Variants in ROBO2 observed in about 807,000 individuals in gnomAD.
The protein encoded by ROBO2 is roundabout homolog 2.
ROBO2 carries 53 observed loss-of-function variants against 160.8 expected under a neutral mutation model. That is an observed-to-expected ratio of 0.33 (90% CI 0.26 to 0.41). The LOEUF is 0.41. Ranked by LOEUF, ROBO2 falls within the 10% of genes least tolerant of loss-of-function variation. The probability of loss-of-function intolerance (pLI) is 1.00; values close to 1 mark genes in which losing one functional copy is unlikely to be tolerated. For synonymous variants in ROBO2, 664 were observed against 611.7 expected (o/e 1.09, Z -1.26); for missense variants, 1,577 against 1,722.4 (o/e 0.92, Z 1.49).
chr3:76,472,189 A>C (rs1156584317), intron 2 of ROBO2, among the ~76,000 whole-genome samples: 1 of 152,214 alleles, frequency 6.6e-6, no homozygotes, highest in South Asian at 2.1e-4. Context: ...AATATGCAAT[A>C]TGTATTCAGC....
chr3:76,016,031 G>A (rs967223809), intron 2 of ROBO2, among the ~76,000 whole-genome samples: 4 of 152,110 alleles, frequency 2.6e-5, no homozygotes, highest in Non-Finnish European at 4.4e-5. Context: ...AGATCACCAA[G>A]CTAGTAAATA....
At chr3:76,418,060 AT>A (rs1223813106) in intron 2 of ROBO2, among the ~76,000 whole-genome samples, 1 of 151,956 alleles carries the variant, frequency 6.6e-6, no homozygotes, top group East Asian at 2.0e-4. Flanking sequence ...CTTTGCTTAA[AT>A]TGTAAACAGG....
chr3:76,466,863 C>G (rs994442588), intron 2 of ROBO2, among the ~76,000 whole-genome samples: 1 of 151,904 alleles, frequency 6.6e-6, no homozygotes, highest in Non-Finnish European at 1.5e-5. Context: ...TCATGATTCA[C>G]GATCATGAAA....
chr3:77,545,578 G>A (rs2092667509), intron 6 of ROBO2, among the ~76,000 whole-genome samples: 1 of 151,918 alleles, frequency 6.6e-6, no homozygotes. Context: ...TTTTGTTTTT[G>A]TCATTGTCAT....
At chr3:76,626,061 A>G (rs556221087) in intron 2 of ROBO2, among the ~76,000 whole-genome samples, 5 of 152,354 alleles carry the variant, frequency 3.3e-5, no homozygotes, top group Non-Finnish European at 7.3e-5. Flanking sequence ...GATTGTGTCA[A>G]CAAAGTTTGG....
chr3:77,603,461 TA>T (rs1412663806), intron 20 of ROBO2, among the ~76,000 whole-genome samples: 7 of 152,182 alleles, frequency 4.6e-5, no homozygotes, highest in Non-Finnish European at 5.9e-5. Context: ...TGTGACCTCC[TA>T]TTTTTGGACA....
chr3:77,184,809 C>T (rs535788116), intron 2 of ROBO2, among the ~76,000 whole-genome samples: 1 of 152,048 alleles, frequency 6.6e-6, no homozygotes, highest in African/African-American at 2.4e-5. Context: ...TGTGCTGCGT[C>T]TTTTATGTAT....
At chr3:76,238,819 A>G (rs530577568) in intron 2 of ROBO2, among the ~76,000 whole-genome samples, 1 of 152,344 alleles carries the variant, frequency 6.6e-6, no homozygotes, top group South Asian at 2.1e-4. Flanking sequence ...TATGGGGATT[A>G]TAGTTCAAGA....
At chr3:76,816,435 G>T (rs2109061748) in intron 2 of ROBO2, among the ~76,000 whole-genome samples, 1 of 152,154 alleles carries the variant, frequency 6.6e-6, no homozygotes, top group Middle Eastern at 3.4e-3. Flanking sequence ...ATAACATCAA[G>T]AGAGCCAAAG....
chr3:77,214,211 T>C (rs2084595153), intron 2 of ROBO2, among the ~76,000 whole-genome samples: 1 of 152,178 alleles, frequency 6.6e-6, no homozygotes, highest in African/African-American at 2.4e-5. Flanking sequence ...TGTGTGGGAT[T>C]CTAAGTCTCT....
intron 2 of ROBO2, among the ~76,000 whole-genome samples, chr3:76,285,454 G>A (rs1367323529): frequency 6.6e-6 from 1 of 151,860 alleles, no homozygotes; most frequent in East Asian, 1.9e-4. Flanking sequence ...AGAAGCTACA[G>A]AATATAAAAT....
chr3:76,351,879 A>T (rs1353864440), intron 2 of ROBO2, among the ~76,000 whole-genome samples: 1 of 151,970 alleles, frequency 6.6e-6, no homozygotes, highest in Non-Finnish European at 1.5e-5. Flanking sequence ...ACCCTATAGT[A>T]TTGTTGTGAA....
intron 2 of ROBO2, among the ~76,000 whole-genome samples, chr3:76,140,994 A>G (rs186788829): frequency 9.2e-4 from 130 of 141,054 alleles, no homozygotes; most frequent in African/African-American, 3.4e-3. Flanking sequence ...TTTAACTTGG[A>G]AAGTTGATGA....
At chr3:77,150,461 T>C (rs576875960) in intron 2 of ROBO2, among the ~76,000 whole-genome samples, 24 of 152,344 alleles carry the variant, frequency 1.6e-4, no homozygotes, top group Admixed American at 7.2e-4. Flanking sequence ...TGGTAATCTT[T>C]TTACTGCAAG....
chr3:77,490,737 A>G (rs775385634), intron 4 of ROBO2, among the ~76,000 whole-genome samples: 11 of 152,126 alleles, frequency 7.2e-5, no homozygotes, highest in Non-Finnish European at 1.6e-4. Context: ...TTTACCTGCC[A>G]GTCTGTTTCA....
chr3:76,434,625 G>A (rs1429162734), intron 2 of ROBO2: 5 of 1,466,190 alleles, frequency 3.4e-6, no homozygotes, highest in Middle Eastern at 1.8e-4. Context: ...GGAGCAAAAC[G>A]GGGCTGTGGC....
At chr3:76,538,486 C>T (rs1157261069) in intron 2 of ROBO2, among the ~76,000 whole-genome samples, 2 of 152,190 alleles carry the variant, frequency 1.3e-5, no homozygotes, top group Non-Finnish European at 2.9e-5. Flanking sequence ...GTATTTACAT[C>T]ACGTACCATT....
intron 2 of ROBO2, among the ~76,000 whole-genome samples, chr3:77,271,735 A>G (rs2153355035): frequency 6.6e-6 from 1 of 152,354 alleles, no homozygotes; most frequent in East Asian, 1.9e-4. Flanking sequence ...TGGGTGCCCT[A>G]AATTACGTAT....
intron 25 of ROBO2, among the ~76,000 whole-genome samples, chr3:77,645,535 A>G (rs1559796492): frequency 6.6e-6 from 1 of 152,206 alleles, no homozygotes; most frequent in Non-Finnish European, 1.5e-5. Flanking sequence ...TCCTCAGGAA[A>G]GTTACCAATA....
Sources: allele counts gnomAD v4.1 joint callset (sites outside exome capture counted in the v4.1 genomes callset), GRCh38; gene constraint gnomAD v4.1.1; transcripts MANE v1.5; gene names NCBI Gene and HGNC (gene_info 2026-07-23, HGNC 2026-07-21).